PRKX: variants seen among roughly 807,000 people sequenced by gnomAD.
PRKX encodes protein kinase cAMP-dependent X-linked catalytic subunit.
Under a neutral mutation model 22.0 loss-of-function variants are expected in PRKX, and 12 were observed. The ratio of observed to expected loss-of-function variants is 0.54; its 90% confidence interval spans 0.35 to 0.88. The LOEUF (loss-of-function observed/expected upper bound fraction) is 0.88. Ranked by LOEUF, PRKX falls within the 40% of genes least tolerant of loss-of-function variation. The pLI is 0.01. For missense variants in PRKX, 217 were observed against 308.0 expected (o/e 0.70, Z 2.21); for synonymous variants, 134 against 137.7 (o/e 0.97, Z 0.19).
chrX:3,633,085 G>T (rs2057865531), intron 4 of PRKX, among the ~76,000 whole-genome samples: 1 of 109,941 alleles, frequency 9.1e-6, no homozygotes, highest in Non-Finnish European at 1.9e-5. Context: ...GGACGTGCTG[G>T]TGTGTGCCTG....
chrX:3,708,738 C>A (rs1309347681), intron 1 of PRKX, among the ~76,000 whole-genome samples: 1 of 109,234 alleles, frequency 9.2e-6, no homozygotes. Context: ...GTGGCACATG[C>A]CTGTAATCCC....
chrX:3,702,262 G>T (rs1928593679), intron 1 of PRKX, among the ~76,000 whole-genome samples: 1 of 112,705 alleles, frequency 8.9e-6, no homozygotes, highest in South Asian at 3.7e-4. Context: ...GGTGCCCTAA[G>T]CATGACAAAG....
chrX:3,631,538 C>T (rs1393461030), intron 4 of PRKX, among the ~76,000 whole-genome samples: 1 of 110,952 alleles, frequency 9.0e-6, no homozygotes, highest in Non-Finnish European at 1.9e-5. Flanking sequence ...GAACTGTGGC[C>T]CTCAGAAAGA....
intron 1 of PRKX, among the ~76,000 whole-genome samples, chrX:3,698,632 A>C (rs138361412): frequency 2.7e-5 from 3 of 111,238 alleles, no homozygotes; most frequent in African/African-American, 9.8e-5. Flanking sequence ...GCTGGAGTGC[A>C]GTGGCATACA....
At chrX:3,637,976 G>A (rs1447817103) in intron 4 of PRKX, among the ~76,000 whole-genome samples, 1 of 110,125 alleles carries the variant, frequency 9.1e-6, no homozygotes, top group Non-Finnish European at 1.9e-5. Context: ...TGGCCAGGCT[G>A]GTCTCGAACT....
intron 2 of PRKX, among the ~76,000 whole-genome samples, chrX:3,668,666 T>C (rs1255837830): frequency 2.7e-5 from 3 of 111,663 alleles, no homozygotes; most frequent in Admixed American, 9.5e-5. Context: ...CCTTCCAAGT[T>C]CTGTAGAAGA....
At chrX:3,706,472 C>T (rs184791376) in intron 1 of PRKX, among the ~76,000 whole-genome samples, 1 of 111,532 alleles carries the variant, frequency 9.0e-6, no homozygotes, top group East Asian at 2.8e-4. Flanking sequence ...CAGGCGTGAG[C>T]CTCCACACCT....
intron 1 of PRKX, among the ~76,000 whole-genome samples, chrX:3,710,330 T>C (rs1296790319): frequency 9.0e-6 from 1 of 111,683 alleles, no homozygotes; most frequent in Non-Finnish European, 1.9e-5. Flanking sequence ...AACTGCAAAC[T>C]GCACTCTTTC....
At chrX:3,676,079 C>T (rs939486909) in intron 1 of PRKX, among the ~76,000 whole-genome samples, 2 of 111,529 alleles carry the variant, frequency 1.8e-5, no homozygotes, top group Non-Finnish European at 3.8e-5. Flanking sequence ...TTGCCTTTGA[C>T]GTACCTTGAT....
chrX:3,664,856 G>A (rs777979549), intron 2 of PRKX, among the ~76,000 whole-genome samples: 1 of 111,787 alleles, frequency 8.9e-6, no homozygotes, highest in Non-Finnish European at 1.9e-5. Flanking sequence ...ATAACCTATT[G>A]GGTACAATGT....
At chrX:3,670,238 G>T (rs1172961947) in intron 2 of PRKX, 1 of 123,444 alleles carries the variant, frequency 8.1e-6, no homozygotes. Context: ...GAGGATCTAG[G>T]ATTCTCCTCT....
chrX:3,640,248 C>A (rs1266186262), intron 4 of PRKX, among the ~76,000 whole-genome samples: 2 of 109,910 alleles, frequency 1.8e-5, no homozygotes, highest in Non-Finnish European at 3.8e-5. Context: ...GCGGCAGAGG[C>A]TCCCCCAACC....
At position 3,675,932 on chromosome X, in the gene PRKX, AGG is replaced by A. The variant is rs764621491; in HGVS notation, c.167-1168_167-1167del. 2.7e-5 allele frequency among the ~76,000 whole-genome samples: 3 copies of A among 111,208 alleles called. No homozygotes were observed. In the East Asian group the frequency reaches 8.5e-4, roughly 32 times the overall value. On this transcript the variant is annotated intron_variant, in intron 1 of 8. Transcript: ENST00000262848. ...GTTAATTTTTGTACTTTTTGTAAAGAGGGGGTCACACTGCGTTGCTCAGGCTA... is the reference window on the plus strand; with the variant it reads ...GTTAATTTTTGTACTTTTTGTAAAGAGGGTCACACTGCGTTGCTCAGGCTA...
chrX:3,654,734 G>A (rs777964846), intron 3 of PRKX, among the ~76,000 whole-genome samples: 3 of 109,505 alleles, frequency 2.7e-5, no homozygotes, highest in East Asian at 2.9e-4. Context: ...CTCCCACCTC[G>A]GCGTCCCAAA....
At chrX:3,675,233 G>A (rs1011072941) in intron 1 of PRKX, among the ~76,000 whole-genome samples, 2 of 111,509 alleles carry the variant, frequency 1.8e-5, no homozygotes, top group Non-Finnish European at 3.8e-5. Flanking sequence ...TCCTCAACAC[G>A]GCTGTTTCCT....
chrX:3,638,520 C>T (rs748199650), intron 4 of PRKX, among the ~76,000 whole-genome samples: 50 of 111,524 alleles, frequency 4.5e-4, no homozygotes, highest in African/African-American at 1.6e-3. Context: ...CTTGGGTGGA[C>T]GCTGATCAAT....
At chrX:3,658,983 G>A (rs747672257) in intron 2 of PRKX, among the ~76,000 whole-genome samples, 22 of 111,470 alleles carry the variant, frequency 2.0e-4, no homozygotes, top group Non-Finnish European at 4.0e-4. Flanking sequence ...AAAAATCATA[G>A]GCTGGGCACG....
At chrX:3,645,296 C>G (rs771185555) in intron 3 of PRKX, among the ~76,000 whole-genome samples, 68 of 110,563 alleles carry the variant, frequency 6.2e-4, no homozygotes, top group Middle Eastern at 4.7e-3. Context: ...GCCATGTTAA[C>G]GAAGGAGAAA....
At chrX:3,629,409 GTTTTGT>G (rs1926724021) in intron 4 of PRKX, among the ~76,000 whole-genome samples, 1 of 106,388 alleles carries the variant, frequency 9.4e-6, no homozygotes, top group Non-Finnish European at 1.9e-5. Flanking sequence ...CCACGCCAGG[GTTTTGT>G]TTTTTTTTTT....
Sources: allele counts gnomAD v4.1 joint callset (sites outside exome capture counted in the v4.1 genomes callset), GRCh38; gene constraint gnomAD v4.1.1; transcripts MANE v1.5; gene names NCBI Gene and HGNC (gene_info 2026-07-23, HGNC 2026-07-21).